HIP1: variants seen among roughly 807,000 people sequenced by gnomAD.
HIP1 encodes huntingtin-interacting protein 1.
In HIP1, 65 loss-of-function variants were observed where a neutral mutation model predicts 147.6. That is an observed-to-expected ratio of 0.44 (90% CI 0.36 to 0.54). The LOEUF (loss-of-function observed/expected upper bound fraction) is 0.54, where lower values mean the gene tolerates loss of function less well. Ranked by LOEUF, HIP1 falls within the 20% of genes least tolerant of loss-of-function variation. HIP1 has a pLI of 0.00. For synonymous variants in HIP1, 479 were observed against 504.0 expected, an observed-to-expected ratio of 0.95 and a Z score of 0.67; for missense variants, 1,061 against 1,299.6, an observed-to-expected ratio of 0.82 and a Z score of 2.82.
chr7:75,602,118 A>C (rs752661630), intron 1 of HIP1, among the ~76,000 whole-genome samples: 58 of 150,598 alleles, frequency 3.9e-4, no homozygotes, highest in Non-Finnish European at 7.2e-4. Context: ...CTCCTGCCTC[A>C]GCCTCCCAAG....
intron 1 of HIP1, among the ~76,000 whole-genome samples, chr7:75,627,244 A>G (rs1798076819): frequency 6.6e-6 from 1 of 152,142 alleles, no homozygotes; most frequent in Admixed American, 6.5e-5. Flanking sequence ...TATCAAGGGC[A>G]CTCTATAAAC....
Position 75,559,893 on chromosome 7 carries a change from A to G in HIP1, c.1214T>C (p.Leu405Pro), listed in dbSNP as rs782140646. ...KTESQRVVLQ[L>P]KGHVSELEAD... ...TTCCAGCTCGCTGACGTGGCCCTTC[A>G]GCTGCAGCACAACCCGCTGGCTCTG... The change falls in exon 14 of 31, where the codon CTG (leucine) becomes CCG (proline). Residue 405 changes from leucine to proline, a missense_variant. Physicochemically the swap from Leu to Pro is moderately conservative, Grantham distance 98. Coordinates refer to ENST00000336926, the MANE Select transcript of HIP1 (RefSeq NM_005338.7). 1 of 1,608,150 alleles carries G rather than the reference A, an allele frequency of 6.2e-7. No individual in the cohort carries two copies. The highest frequency in any genetic ancestry group is 8.5e-7 in the Non-Finnish European group (1 of 1,178,490).
At chr7:75,659,953 C>A (rs187147991) in intron 1 of HIP1, among the ~76,000 whole-genome samples, 2 of 151,414 alleles carry the variant, frequency 1.3e-5, no homozygotes, top group African/African-American at 4.9e-5. Flanking sequence ...TGGTGAAACC[C>A]GGTCTCTACT....
At chr7:75,689,140 AAGAGTTGG>A (rs2117292319) in intron 1 of HIP1, among the ~76,000 whole-genome samples, 1 of 152,118 alleles carries the variant, frequency 6.6e-6, no homozygotes, top group East Asian at 1.9e-4. Flanking sequence ...ACTTGAACCC[AAGAGTTGG>A]AGACCAGCCT....
intron 4 of HIP1, among the ~76,000 whole-genome samples, chr7:75,591,324 C>T (rs782232957): frequency 3.9e-5 from 6 of 152,034 alleles, no homozygotes; most frequent in Admixed American, 6.6e-5. Context: ...TGAGCCACTG[C>T]GCCTGGCCAA....
At position 75,623,069 on chromosome 7, in the gene HIP1, G is replaced by A. The variant is rs587670374; in HGVS notation, c.121-23822C>T. ...AAAATTTAGCCAGGCGTGGTGGTGC[G>A]TGCCTGTAATCCCAGCTACTCGGGA... On this transcript the variant is annotated intron_variant, in intron 1 of 30. Transcript: ENST00000336926. 2.6e-3 allele frequency among the ~76,000 whole-genome samples: 389 copies of A among 151,490 alleles called. 1 individual carries two copies. Among genetic ancestry groups the A allele is most frequent in the Non-Finnish European group, 3.9e-3 (267 of 67,912 alleles).
At position 75,536,870 on chromosome 7, in the gene HIP1, T is replaced by C. The variant is rs1225250553; in HGVS notation, c.*1302A>G. Reference sequence around the variant, plus strand: ...GCTCCAAGCATCTCTTTGTAGGCTGTTGCTGCTTAAGGGAGGTTAGTAATA... The same window carrying C: ...GCTCCAAGCATCTCTTTGTAGGCTGCTGCTGCTTAAGGGAGGTTAGTAATA... On this transcript the variant is annotated 3_prime_UTR_variant, in exon 31 of 31. Coordinates refer to ENST00000336926, the MANE Select transcript of HIP1 (RefSeq NM_005338.7). The C allele has an allele frequency of 4.3e-6, 1 of 230,696 alleles. No individual in the cohort carries two copies. The highest frequency in any genetic ancestry group is 2.2e-5 in the African/African-American group (1 of 45,200). 14.3% of individuals were successfully genotyped at this position (230,696 alleles called of 1,614,324 possible).
intron 1 of HIP1, among the ~76,000 whole-genome samples, chr7:75,636,107 T>G (rs1376345062): frequency 6.8e-6 from 1 of 146,508 alleles, no homozygotes; most frequent in Non-Finnish European, 1.5e-5. Flanking sequence ...TTTGGGAGGC[T>G]GAGGTGGGTG....
At chr7:75,713,673 G>A (rs1801224126) in intron 1 of HIP1, among the ~76,000 whole-genome samples, 1 of 151,200 alleles carries the variant, frequency 6.6e-6, no homozygotes, top group Admixed American at 6.6e-5. Context: ...CATTCACTTA[G>A]CCCTAAGGGT....
At chr7:75,615,512 A>G (rs1356518487) in intron 1 of HIP1, among the ~76,000 whole-genome samples, 1 of 151,524 alleles carries the variant, frequency 6.6e-6, no homozygotes, top group Admixed American at 6.6e-5. Context: ...TGACTGTGCC[A>G]CTGCACTCTA....
intron 1 of HIP1, among the ~76,000 whole-genome samples, chr7:75,706,473 C>CTTTTTTTTTTTTT (rs139655610): frequency 1.4e-5 from 2 of 138,096 alleles, no homozygotes; most frequent in African/African-American, 2.8e-5. Context: ...TATATATCTT[C>CTTTTTTTTTTTTT]TTTTTTTTTA....
intron 1 of HIP1, among the ~76,000 whole-genome samples, chr7:75,736,841 TTC>T (rs1270659426): frequency 6.6e-6 from 1 of 151,952 alleles, no homozygotes; most frequent in African/African-American, 2.4e-5. Context: ...CTTTCTTTTT[TTC>T]TTTTTCTTTT....
intron 1 of HIP1, among the ~76,000 whole-genome samples, chr7:75,665,560 G>A (rs1229167269): frequency 8.6e-6 from 1 of 116,910 alleles, no homozygotes; most frequent in Non-Finnish European, 1.8e-5. Flanking sequence ...TTTTTTTTTT[G>A]AGACAGTCTC....
At chr7:75,567,066 C>G (rs1795432891) in intron 9 of HIP1, among the ~76,000 whole-genome samples, 1 of 150,962 alleles carries the variant, frequency 6.6e-6, no homozygotes, top group African/African-American at 2.5e-5. Flanking sequence ...AAGCCAAGAT[C>G]ACACCACCGC....
Position 75,736,322 on chromosome 7 carries a change from C to T in HIP1, c.120+2479G>A, listed in dbSNP as rs564709511. 7.2e-5 allele frequency among the ~76,000 whole-genome samples: 11 copies of T among 152,104 alleles called. No homozygotes were observed. In the South Asian group the frequency reaches 8.3e-4, roughly 11 times the overall value. On this transcript the variant is annotated intron_variant, in intron 1 of 30. Transcript: ENST00000336926. The stretch of plus-strand genomic sequence containing the variant: ...ATCACTATTATGGGTCAAAGTCTTA[C>T]GCATATTTCTCTATTGCTCTAGTTT...
intron 16 of HIP1, 141 bp from the exon 17 acceptor site, chr7:75,556,952 G>A (rs79055497): frequency 9.2e-6 from 5 of 542,416 alleles, no homozygotes; most frequent in East Asian, 3.0e-5. Flanking sequence ...AAAAGTGCAG[G>A]GTGTGGGAGG....
intron 1 of HIP1, among the ~76,000 whole-genome samples, chr7:75,609,222 T>TC (rs1797336641): frequency 6.6e-6 from 1 of 152,074 alleles, no homozygotes; most frequent in South Asian, 2.1e-4. Context: ...GTGCCCCAGT[T>TC]CCCCAAGCAA....
Position 75,554,476 on chromosome 7 carries a change from C to T in HIP1, c.2014G>A (p.Glu672Lys). 6.2e-7 allele frequency: 1 copy of T among 1,614,020 alleles called. No individual in the cohort carries two copies. The highest frequency in any genetic ancestry group is 8.5e-7 in the Non-Finnish European group (1 of 1,179,968). The change falls in exon 20 of 31, where the codon GAG (glutamate) becomes AAG (lysine). Residue 672 changes from glutamate to lysine, a missense_variant. By Grantham distance (56) the Glu-to-Lys change is moderately conservative (BLOSUM62 1). Around this residue, in one of 3 missense-constraint regions of HIP1, gnomAD observed 810 missense variants for 946.8 expected, o/e 0.86. Coordinates refer to ENST00000336926, the MANE Select transcript of HIP1 (RefSeq NM_005338.7). ...TSISSCIEQL[E>K]KSWSQYLACP... ...GCCAGATACTGGCTCCAGCTTTTCT[C>T]CAGTTGCTCGATGCAGCTGGAAATG...
intron 1 of HIP1, among the ~76,000 whole-genome samples, chr7:75,722,647 T>C (rs1801534863): frequency 6.6e-6 from 1 of 152,198 alleles, no homozygotes; most frequent in South Asian, 2.1e-4. Flanking sequence ...TTCCATTTCC[T>C]AGCTGTAAGC....
Sources: allele counts gnomAD v4.1 joint callset (sites outside exome capture counted in the v4.1 genomes callset), GRCh38; gene constraint gnomAD v4.1.1; regional missense constraint gnomAD v4.1.1; transcripts MANE v1.5; gene names NCBI Gene and HGNC (gene_info 2026-07-23, HGNC 2026-07-21).